Variants in WARS1 observed in about 807,000 individuals in gnomAD.
WARS1 encodes the protein tryptophanyl-tRNA synthetase 1.
A neutral mutation model predicts 47.8 loss-of-function variants in WARS1; 17 were observed. The ratio of observed to expected loss-of-function variants is 0.36; its 90% CI spans 0.24 to 0.53. The LOEUF is 0.53. Among genes scored for constraint, WARS1 ranks in the 20% least tolerant of loss-of-function variants. The pLI is 0.91. For synonymous variants in WARS1, 208 were observed against 228.1 expected (o/e 0.91, Z 0.79); for missense variants, 434 against 608.0 (o/e 0.71, Z 3.01).
chr14:100,335,337 C>A (rs1253938369), intron 10 of WARS1, among the ~76,000 whole-genome samples: 1 of 152,132 alleles, frequency 6.6e-6, no homozygotes, highest in Non-Finnish European at 1.5e-5. Context: ...AGGCACTAAA[C>A]AACAACAATT....
In WARS1 at chr14:100,373,734, C is replaced by T. The variant is rs1189549940; in HGVS notation, c.-74+1549G>A. On this transcript the variant is annotated intron_variant, in intron 1 of 10. Transcript: ENST00000392882. The surrounding 1 kb of genome is among the most constrained non-coding windows in gnomAD (Gnocchi z 4.4). ...ATATCAGAACTCCATTTAAGAAGCA[C>T]ATGGGAATGAAATTAGACTGAGGAA... Among the ~76,000 whole-genome samples the T allele has an allele frequency of 1.3e-5, 2 of 152,056 alleles. No individual in the cohort carries two copies. The highest frequency in any genetic ancestry group is 4.8e-5 in the African/African-American group (2 of 41,384).
chr14:100,349,573 C>T (rs1010356103), intron 6 of WARS1, among the ~76,000 whole-genome samples: 1 of 152,222 alleles, frequency 6.6e-6, no homozygotes, highest in African/African-American at 2.4e-5. Flanking sequence ...TGCTGCCCCC[C>T]ACTAGCACCC....
chr14:100,339,714 A>G (rs919838583), intron 9 of WARS1: 2 of 152,230 alleles, frequency 1.3e-5, no homozygotes, highest in Admixed American at 1.3e-4. Context: ...AGTGCCTGAT[A>G]GAGTCACTGC....
At chr14:100,342,650 T>C (rs1263532484) in intron 8 of WARS1, 79 bp from the exon 9 acceptor site, 3 of 1,381,684 alleles carry the variant, frequency 2.2e-6, no homozygotes, top group Non-Finnish European at 3.0e-6. Context: ...CCTGTGAGCA[T>C]CTTCCCAGAA....
At chr14:100,335,306 G>A (rs1893644840) in intron 10 of WARS1, among the ~76,000 whole-genome samples, 1 of 152,152 alleles carries the variant, frequency 6.6e-6, no homozygotes, top group South Asian at 2.1e-4. Flanking sequence ...CACCCCTACC[G>A]ATGCTAGGGG....
At chr14:100,362,991 A>C (rs989569681) in intron 2 of WARS1, among the ~76,000 whole-genome samples, 1 of 152,250 alleles carries the variant, frequency 6.6e-6, no homozygotes, top group Non-Finnish European at 1.5e-5. Flanking sequence ...GATTTGTGGA[A>C]TCAGTAACCC....
chr14:100,353,984 C>A, intron 5 of WARS1, 115 bp from the exon 6 acceptor site: 1 of 897,346 alleles, frequency 1.1e-6, no homozygotes, highest in Non-Finnish European at 1.7e-6. Context: ...TCCTTGCCTA[C>A]AAAATCACAA....
At chr14:100,349,750 T>C (rs1894850787) in intron 6 of WARS1, among the ~76,000 whole-genome samples, 1 of 152,232 alleles carries the variant, frequency 6.6e-6, no homozygotes, top group African/African-American at 2.4e-5. Context: ...TCTGGGGCCA[T>C]GTGCAATGTG....
chr14:100,350,441 G>T (rs549559435), intron 6 of WARS1, among the ~76,000 whole-genome samples: 93 of 147,466 alleles, frequency 6.3e-4, no homozygotes, highest in African/African-American at 2.3e-3. Context: ...AGCGAAGGTG[G>T]AGGCTGGTCA....
Position 100,353,887 on chromosome 14 carries a change from G to A in WARS1, c.543-18C>T. 1 of 1,609,144 alleles carries A rather than the reference G, an allele frequency of 6.2e-7. No homozygotes were observed. On this transcript the variant is annotated intron_variant, in intron 5 of 10. Transcript: ENST00000392882. ...GGAGCCACCTAAAGAAACACAGGGG[G>A]AGAAAGCTGACGTCTCATCTCCCCT...
In WARS1 at chr14:100,337,052, C is replaced by G. The variant is rs748429610; in HGVS notation, c.1254+10G>C. On this transcript the variant is annotated intron_variant, in intron 10 of 10. Transcript: ENST00000392882. ...AAGGCGGCTGTGGGCCCTTGGGGTT[C>G]CCTGCTCACCTTCCTGATCTGCTCG... is the stretch of plus-strand genomic sequence containing the variant. 1 of 1,609,528 alleles carries G rather than the reference C, an allele frequency of 6.2e-7. No individual in the cohort carries two copies. Among genetic ancestry groups the G allele is most frequent in the South Asian group, 1.1e-5 (1 of 90,916 alleles).
chr14:100,339,043 T>G (rs1218131710), intron 9 of WARS1, among the ~76,000 whole-genome samples: 1 of 148,874 alleles, frequency 6.7e-6, no homozygotes, highest in Non-Finnish European at 1.5e-5. Flanking sequence ...GAGGCGGAGG[T>G]TGTGGTGAGC....
chr14:100,365,164 A>AC (rs1595454921), intron 2 of WARS1, among the ~76,000 whole-genome samples: 4 of 98,646 alleles, frequency 4.1e-5, no homozygotes, highest in South Asian at 3.5e-4. Context: ...CACACACACA[A>AC]ATAATGATTT....
intron 3 of WARS1, among the ~76,000 whole-genome samples, chr14:100,361,293 A>AC (rs1895645130): frequency 6.6e-6 from 1 of 152,266 alleles, no homozygotes. Flanking sequence ...AACTTGCCCG[A>AC]TGTGAGAAGT....
At chr14:100,371,747 A>T (rs1896365169) in intron 1 of WARS1, among the ~76,000 whole-genome samples, 1 of 152,124 alleles carries the variant, frequency 6.6e-6, no homozygotes, top group Non-Finnish European at 1.5e-5. Context: ...AACAAAAAAA[A>T]TTCCAAAAAG....
intron 7 of WARS1, among the ~76,000 whole-genome samples, chr14:100,346,543 C>G (rs555256600): frequency 1.3e-5 from 2 of 152,206 alleles, no homozygotes; most frequent in South Asian, 4.1e-4. Context: ...TCACCCAACC[C>G]AGAGAAGCTG....
intron 3 of WARS1, 79 bp downstream of exon 3, chr14:100,361,629 A>T: frequency 7.0e-7 from 1 of 1,427,834 alleles, no homozygotes; most frequent in Non-Finnish European, 9.6e-7. Flanking sequence ...TTCAAAATTT[A>T]AAAACATCAA....
chr14:100,353,620 C>T, intron 6 of WARS1, 67 bp downstream of exon 6: 1 of 1,552,772 alleles, frequency 6.4e-7, no homozygotes, highest in Non-Finnish European at 8.8e-7. Context: ...TCGAATTTAG[C>T]TGTGGTCATG....
At chr14:100,352,314 A>T (rs1224578488) in intron 6 of WARS1, among the ~76,000 whole-genome samples, 1 of 151,556 alleles carries the variant, frequency 6.6e-6, no homozygotes, top group Non-Finnish European at 1.5e-5. Context: ...GTTTCACCAT[A>T]TTGGCCAGGC....
Sources: allele counts gnomAD v4.1 joint callset (sites outside exome capture counted in the v4.1 genomes callset), GRCh38; gene constraint gnomAD v4.1.1; non-coding constraint Gnocchi (gnomAD v3.1); transcripts MANE v1.5; gene names NCBI Gene and HGNC (gene_info 2026-07-23, HGNC 2026-07-21).